CPNE8: variants seen among roughly 807,000 people sequenced by gnomAD.
CPNE8 encodes the protein copine 8.
CPNE8 carries 45 observed loss-of-function variants against 81.5 expected under a neutral mutation model. The observed-to-expected ratio is 0.55, with a 90% confidence interval of 0.44 to 0.71. CPNE8 has a LOEUF of 0.71. CPNE8 is among the 30% of genes least tolerant of loss of function. The pLI, the probability that CPNE8 is intolerant of heterozygous loss-of-function variation, is 0.00. For missense variants in CPNE8, 594 were observed against 672.1 expected (o/e 0.88, Z 1.28); for synonymous variants, 252 against 226.3 (o/e 1.11, Z -1.02).
At chr12:38,675,670 A>T in intron 18 of CPNE8, 47 bp downstream of exon 18, 1 of 1,166,396 alleles carries the variant, frequency 8.6e-7, no homozygotes, top group Non-Finnish European at 1.3e-6. Flanking sequence ...ATGTTACATT[A>T]GATTAAATGA....
intron 6 of CPNE8, among the ~76,000 whole-genome samples, chr12:38,800,234 C>A (rs1457152261): frequency 1.5e-5 from 1 of 67,116 alleles, no homozygotes; most frequent in African/African-American, 3.9e-5. Flanking sequence ...ACAGCAGTAA[C>A]CTCTGCAGAC....
chr12:38,702,836 T>G, intron 14 of CPNE8, 39 bp downstream of exon 14: 11 of 1,221,372 alleles, frequency 9.0e-6, no homozygotes, highest in Non-Finnish European at 1.2e-5. Flanking sequence ...TTCATGTAAT[T>G]GCTGATGATT....
chr12:38,692,146 G>A (rs1268316260), intron 15 of CPNE8, among the ~76,000 whole-genome samples: 3 of 151,892 alleles, frequency 2.0e-5, no homozygotes, highest in Admixed American at 2.0e-4. Flanking sequence ...ACAAAAATTA[G>A]CCAGGTGTTA....
rs780377298 is a variant in CPNE8 at position 38,677,495 on chromosome 12, C to A, written c.1331G>T (p.Gly444Val). 4.3e-6 allele frequency: 7 copies of A among 1,612,492 alleles called. No individual in the cohort carries two copies. The highest frequency in any genetic ancestry group is 5.9e-6 in the Non-Finnish European group (7 of 1,178,934). The change falls in exon 17 of 20, where the codon GGT becomes GTT. Residue 444 changes from glycine to valine, a missense_variant. Coordinates refer to ENST00000331366, the MANE Select transcript of CPNE8 (RefSeq NM_153634.3). ...AGTCTGGGCCATATCTGAGATAACACCATCTGTAACAATCAGAAGCACAAA... is the reference window on the plus strand; with the variant it reads ...AGTCTGGGCCATATCTGAGATAACAACATCTGTAACAATCAGAAGCACAAA... ...QYFVLLIVTD[G>V]VISDMAQTKE...
chr12:38,704,728 T>C (rs946849242), intron 13 of CPNE8, among the ~76,000 whole-genome samples: 1 of 151,162 alleles, frequency 6.6e-6, no homozygotes, highest in African/African-American at 2.4e-5. Context: ...ATCATGCTGC[T>C]TTTCTTTCTA....
At chr12:38,718,363 G>A (rs943045052) in intron 13 of CPNE8, among the ~76,000 whole-genome samples, 9 of 152,094 alleles carry the variant, frequency 5.9e-5, no homozygotes, top group Admixed American at 3.3e-4. Context: ...AATCCTTTAT[G>A]GTGGAAGTGG....
chr12:38,693,385 A>C (rs1258958289), intron 15 of CPNE8, among the ~76,000 whole-genome samples: 1 of 152,116 alleles, frequency 6.6e-6, no homozygotes, highest in Non-Finnish European at 1.5e-5. Context: ...GATATCTCTA[A>C]GTTTTAGGAA....
chr12:38,822,212 T>G (rs1943119762), intron 6 of CPNE8, among the ~76,000 whole-genome samples: 1 of 152,220 alleles, frequency 6.6e-6, no homozygotes, highest in Non-Finnish European at 1.5e-5. Flanking sequence ...ATGGGAAATT[T>G]GGGATATTTC....
chr12:38,891,046 C>T (rs1944308049), intron 1 of CPNE8, among the ~76,000 whole-genome samples: 3 of 151,928 alleles, frequency 2.0e-5, no homozygotes, highest in African/African-American at 7.3e-5. Context: ...CCTGCCTCCT[C>T]GCCCTCCCAA....
chr12:38,745,967 C>T (rs1941217288), intron 10 of CPNE8, among the ~76,000 whole-genome samples: 1 of 152,144 alleles, frequency 6.6e-6, no homozygotes, highest in African/African-American at 2.4e-5. Context: ...CATCCTGAAG[C>T]AGCATCTGGA....
At chr12:38,764,281 C>A (rs944419392) in intron 8 of CPNE8, among the ~76,000 whole-genome samples, 17 of 152,128 alleles carry the variant, frequency 1.1e-4, no homozygotes, top group African/African-American at 4.1e-4. Context: ...GCTGTAGGGG[C>A]TCAGAACACA....
intron 3 of CPNE8, among the ~76,000 whole-genome samples, chr12:38,853,974 AG>A (rs899615027): frequency 3.3e-5 from 5 of 152,070 alleles, no homozygotes; most frequent in Admixed American, 2.0e-4. Flanking sequence ...TGAAGAAAAA[AG>A]GTCATCTGAA....
chr12:38,803,264 T>C (rs1219252034), intron 6 of CPNE8, among the ~76,000 whole-genome samples: 169 of 51,272 alleles, frequency 3.3e-3, no homozygotes, highest in African/African-American at 7.3e-3. Flanking sequence ...CTCAATAAAA[T>C]ACTGGCAAAC....
At chr12:38,876,371 G>A (rs1458909535) in intron 1 of CPNE8, among the ~76,000 whole-genome samples, 1 of 151,904 alleles carries the variant, frequency 6.6e-6, no homozygotes, top group Non-Finnish European at 1.5e-5. Context: ...GTGCCATCAC[G>A]CCCAGCTAAT....
At chr12:38,737,392 C>T (rs569752584) in intron 10 of CPNE8, among the ~76,000 whole-genome samples, 2 of 151,878 alleles carry the variant, frequency 1.3e-5, no homozygotes, top group African/African-American at 4.8e-5. Context: ...GTAGACAAGA[C>T]AAAATAAATT....
At chr12:38,744,062 G>A (rs2388058) in intron 10 of CPNE8, among the ~76,000 whole-genome samples, 122,322 of 151,758 alleles carry the variant, frequency 0.81, 52,253 homozygotes, top group Middle Eastern at 0.97. Flanking sequence ...AAGCAGCATC[G>A]AGTGTGAAAA....
chr12:38,837,243 C>T (rs1346938945), intron 5 of CPNE8, among the ~76,000 whole-genome samples: 2 of 149,422 alleles, frequency 1.3e-5, no homozygotes, highest in Non-Finnish European at 3.0e-5. Context: ...AAACGTGACA[C>T]AGAAAGTGGT....
intron 8 of CPNE8, 76 bp downstream of exon 8, chr12:38,767,559 G>C: frequency 2.3e-6 from 2 of 873,994 alleles, no homozygotes; most frequent in South Asian, 2.3e-5. Context: ...AATTTAATGA[G>C]CTTCTCTGAG....
chr12:38,850,720 C>T (rs1255672058), intron 3 of CPNE8, among the ~76,000 whole-genome samples: 6 of 152,218 alleles, frequency 3.9e-5, no homozygotes, highest in African/African-American at 7.2e-5. Flanking sequence ...TTTTAGAAGC[C>T]GTCTTTCCTG....
Sources: allele counts gnomAD v4.1 joint callset (sites outside exome capture counted in the v4.1 genomes callset), GRCh38; gene constraint gnomAD v4.1.1; transcripts MANE v1.5; gene names NCBI Gene and HGNC (gene_info 2026-07-23, HGNC 2026-07-21).